Variants in DNAH3 observed in about 807,000 individuals in gnomAD.
DNAH3 encodes axonemal beta dynein heavy chain 3.
In DNAH3, 332 loss-of-function variants were observed where a neutral mutation model predicts 432.5. The ratio of observed to expected loss-of-function variants is 0.77; its 90% confidence interval spans 0.70 to 0.84. DNAH3 has a LOEUF of 0.84. Ranked by LOEUF, DNAH3 falls within the 40% of genes least tolerant of loss-of-function variation. The pLI is 0.00. For synonymous variants in DNAH3, 1,956 were observed against 1,900.2 expected (o/e 1.03, Z -0.76); for missense variants, 4,861 against 5,114.0 (o/e 0.95, Z 1.51).
intron 53 of DNAH3, among the ~76,000 whole-genome samples, chr16:20,962,396 G>T (rs1002294525): frequency 6.6e-6 from 1 of 152,132 alleles, no homozygotes. Context: ...GCATTGTGAG[G>T]CTTCTTTAAA....
At chr16:21,095,826 G>A (rs1165260608) in intron 18 of DNAH3, among the ~76,000 whole-genome samples, 1 of 152,044 alleles carries the variant, frequency 6.6e-6, no homozygotes, top group African/African-American at 2.4e-5. Context: ...GTGCAGTAGT[G>A]CCATCACAGC....
chr16:21,121,897 C>T, intron 10 of DNAH3, 48 bp downstream of exon 11: 1 of 1,513,006 alleles, frequency 6.6e-7, no homozygotes, highest in Non-Finnish European at 9.0e-7. Flanking sequence ...ACATTTTATT[C>T]ACTAAGTGAA....
intron 38 of DNAH3, among the ~76,000 whole-genome samples, chr16:21,026,481 T>G (rs2088562010): frequency 6.6e-6 from 1 of 151,850 alleles, no homozygotes; most frequent in South Asian, 2.1e-4. Flanking sequence ...GGCAGGCAGA[T>G]CACGATGTCA....
chr16:21,095,787 C>T (rs2091659332), intron 18 of DNAH3, among the ~76,000 whole-genome samples: 1 of 151,920 alleles, frequency 6.6e-6, no homozygotes, highest in East Asian at 1.9e-4. Context: ...TTTTTTGAGA[C>T]AGGGTCTCGC....
intron 54 of DNAH3, among the ~76,000 whole-genome samples, chr16:20,958,612 T>C (rs1332901822): frequency 1.3e-5 from 2 of 152,168 alleles, no homozygotes; most frequent in Non-Finnish European, 2.9e-5. Flanking sequence ...CTCCTATTCA[T>C]TTTTCAAAAT....
intron 16 of DNAH3, among the ~76,000 whole-genome samples, chr16:21,101,955 T>G (rs75837191): frequency 1.3e-5 from 2 of 152,226 alleles, no homozygotes; most frequent in African/African-American, 4.8e-5. Context: ...ATAATCGGCA[T>G]GGAACCCCAA....
At chr16:20,938,770 G>T (rs1373601123) in intron 59 of DNAH3, among the ~76,000 whole-genome samples, 1 of 151,228 alleles carries the variant, frequency 6.6e-6, no homozygotes, top group Admixed American at 6.6e-5. Context: ...AAATAAGATT[G>T]CTTTCCCTGT....
chr16:21,146,943 A>G (rs1276117196), intron 1 of DNAH3, among the ~76,000 whole-genome samples: 2 of 151,762 alleles, frequency 1.3e-5, no homozygotes, highest in Non-Finnish European at 2.9e-5. Context: ...TATTTTTAGT[A>G]GAGACGGGGT....
At chr16:21,117,207 A>G (rs2152808561) in exon 12 of DNAH3, 1 of 1,596,758 alleles carries the variant, frequency 6.3e-7, no homozygotes, top group Non-Finnish European at 8.5e-7. Flanking sequence ...ACTTACTTGC[A>G]GGGGCCAACT....
At chr16:20,997,455 G>T in exon 44 of DNAH3, 1 of 1,614,022 alleles carries the variant, frequency 6.2e-7, no homozygotes, top group Non-Finnish European at 8.5e-7. Context: ...CTGGCATGTT[G>T]AGGTCATCTG....
chr16:21,064,364 C>T (rs529271593), intron 24 of DNAH3, among the ~76,000 whole-genome samples: 1 of 152,234 alleles, frequency 6.6e-6, no homozygotes, highest in South Asian at 2.1e-4. Context: ...TGAGTGAGCC[C>T]CAGTGAGGCC....
At chr16:21,072,380 G>T (rs2090821429) in intron 21 of DNAH3, among the ~76,000 whole-genome samples, 1 of 152,124 alleles carries the variant, frequency 6.6e-6, no homozygotes, top group Non-Finnish European at 1.5e-5. Context: ...AGGCTGGAGT[G>T]CAGTGGCATG....
At chr16:21,129,778 T>A (rs1034563244) in intron 7 of DNAH3, among the ~76,000 whole-genome samples, 7 of 6,432 alleles carry the variant, frequency 1.1e-3, no homozygotes, top group Admixed American at 2.9e-3. Flanking sequence ...GCTGCATCCA[T>A]CCCATTAGTG....
intron 18 of DNAH3, among the ~76,000 whole-genome samples, chr16:21,090,412 A>G (rs1000009793): frequency 5.9e-5 from 9 of 152,102 alleles, no homozygotes; most frequent in African/African-American, 2.2e-4. Context: ...TCTCTCACAG[A>G]CACTAAAATT....
chr16:21,155,235 C>G (rs1295371992), intron 1 of DNAH3, among the ~76,000 whole-genome samples: 1 of 152,070 alleles, frequency 6.6e-6, no homozygotes, highest in Non-Finnish European at 1.5e-5. Flanking sequence ...AGGCATGAGC[C>G]ACCATGCCCG....
At chr16:20,997,483 T>C (rs373784275) in intron 43 of DNAH3, 21 bp from the exon 44 acceptor site, 2 of 1,611,946 alleles carry the variant, frequency 1.2e-6, no homozygotes, top group Non-Finnish European at 1.7e-6. Context: ...AAACCACAGA[T>C]ACAGCCATTG....
At chr16:21,049,673 A>G in exon 31 of DNAH3, 9 of 1,614,116 alleles carry the variant, frequency 5.6e-6, no homozygotes, top group Non-Finnish European at 7.6e-6. Flanking sequence ...GAGCAGTTGA[A>G]GACCACACAC....
At chr16:20,934,453 G>C (rs2083516399) in intron 61 of DNAH3, among the ~76,000 whole-genome samples, 1 of 123,286 alleles carries the variant, frequency 8.1e-6, no homozygotes, top group African/African-American at 3.0e-5. Flanking sequence ...AATGTGCTTA[G>C]AACACTTACA....
intron 51 of DNAH3, among the ~76,000 whole-genome samples, chr16:20,974,857 C>T (rs1367567863): frequency 2.6e-5 from 4 of 151,550 alleles, no homozygotes; most frequent in Admixed American, 2.0e-4. Flanking sequence ...TCACTCTTGC[C>T]GCCCAGGCTG....
Sources: allele counts gnomAD v4.1 joint callset (sites outside exome capture counted in the v4.1 genomes callset), GRCh38; gene constraint gnomAD v4.1.1; transcripts MANE v1.5; gene names NCBI Gene and HGNC (gene_info 2026-07-23, HGNC 2026-07-21).